Variants in DNAJC13 observed in about 807,000 individuals in gnomAD.
DNAJC13 encodes DnaJ heat shock protein family (Hsp40) member C13, also known as dnaJ homolog subfamily C member 13.
Under a neutral mutation model 290.5 loss-of-function variants are expected in DNAJC13, and 75 were observed. The observed-to-expected ratio is 0.26, with a 90% CI of 0.21 to 0.31. DNAJC13 has a LOEUF of 0.31. Among genes scored for constraint, DNAJC13 ranks in the 10% least tolerant of loss-of-function variants. DNAJC13 has a pLI of 1.00. For synonymous variants in DNAJC13, 862 were observed against 892.0 expected, an observed-to-expected ratio of 0.97 and a Z score of 0.60; for missense variants, 2,260 against 2,674.5, an observed-to-expected ratio of 0.85 and a Z score of 3.42.
chr3:132,451,578 A>C (rs1427922500), intron 6 of DNAJC13, among the ~76,000 whole-genome samples: 2 of 152,130 alleles, frequency 1.3e-5, no homozygotes, highest in Non-Finnish European at 2.9e-5. Context: ...TTTCTGTCTC[A>C]AAGATGTGCG....
chr3:132,454,935 C>T (rs1401371346), intron 9 of DNAJC13, among the ~76,000 whole-genome samples: 1 of 152,048 alleles, frequency 6.6e-6, no homozygotes. Context: ...CACTTACATG[C>T]AGAAAGTAAA....
At chr3:132,444,274 GC>G (rs1346447588) in intron 2 of DNAJC13, among the ~76,000 whole-genome samples, 1 of 152,204 alleles carries the variant, frequency 6.6e-6, no homozygotes, top group African/African-American at 2.4e-5. Flanking sequence ...AGTCCCTGGT[GC>G]TAAAAAGGTT....
Position 132,494,168 on chromosome 3 carries a change from G to A in DNAJC13, c.3850G>A (p.Asp1284Asn). Residue 1284 changes from aspartate (D) to asparagine (N), a missense_variant, in exon 34 of 56, where the codon GAT (aspartate) becomes AAT (asparagine). By Grantham distance (23) the Asp-to-Asn change is conservative (BLOSUM62 1). Transcript: ENST00000260818. Reference sequence around the variant, plus strand: ...GGTTAAGCTTCTAAAAGATACCCTTGATGCCTGGAAGAAAGAAGTAGAAAA... The same window carrying A: ...GGTTAAGCTTCTAAAAGATACCCTTAATGCCTGGAAGAAAGAAGTAGAAAA... The part of the protein sequence containing the change: ...DPVKLLKDTL[D>N]AWKKEVEKKP... 1 of 1,612,186 alleles carries A rather than the reference G, an allele frequency of 6.2e-7. No homozygotes were observed. The highest frequency in any genetic ancestry group is 8.5e-7 in the Non-Finnish European group (1 of 1,179,194).
intron 40 of DNAJC13, 138 bp from the exon 41 acceptor site, chr3:132,503,076 G>C: frequency 1.2e-6 from 1 of 807,054 alleles, no homozygotes; most frequent in African/African-American, 1.7e-5. Context: ...TACCTCAGTG[G>C]TAGGTACTCT....
chr3:132,526,181 C>T lies in DNAJC13; in HGVS notation c.6281C>T (p.Pro2094Leu). Reference protein sequence around the residue: ...RAMASLETIGPLMNGMKKRAD... With the variant: ...RAMASLETIGLLMNGMKKRAD... Reference sequence around the variant, plus strand: ...ATGGCATCTTTAGAGACCATTGGCCCACTGATGAATGGAATGAAAAAGCGA... The same window carrying T: ...ATGGCATCTTTAGAGACCATTGGCCTACTGATGAATGGAATGAAAAAGCGA... The change falls in exon 53 of 56, where the codon CCA (proline) becomes CTA (leucine). Residue 2094 changes from proline (P) to leucine (L), a missense_variant. Transcript: ENST00000260818. The T allele has an allele frequency of 1.2e-6, 2 of 1,614,024 alleles. No individual in the cohort carries two copies. Among genetic ancestry groups the T allele is most frequent in the Non-Finnish European group, 8.5e-7 (1 of 1,179,980 alleles).
intron 34 of DNAJC13, 114 bp from the exon 35 acceptor site, chr3:132,494,974 A>G (rs1208556228): frequency 4.8e-6 from 3 of 618,900 alleles, no homozygotes; most frequent in Middle Eastern, 3.9e-4. Context: ...AGCCTAATAT[A>G]TAATCATATA....
At chr3:132,491,600 C>T (rs554793041) in intron 32 of DNAJC13, among the ~76,000 whole-genome samples, 1 of 152,074 alleles carries the variant, frequency 6.6e-6, no homozygotes, top group Non-Finnish European at 1.5e-5. Context: ...TGTGGAAACA[C>T]AGAAAAAGGA....
chr3:132,513,873 C>G (rs1483777657), intron 45 of DNAJC13, among the ~76,000 whole-genome samples: 11 of 152,254 alleles, frequency 7.2e-5, no homozygotes, highest in Admixed American at 5.2e-4. Context: ...ACACCAAATG[C>G]AACCCTGCAG....
intron 6 of DNAJC13, among the ~76,000 whole-genome samples, 193 bp downstream of exon 6, chr3:132,451,040 G>A (rs1933400391): frequency 6.6e-6 from 1 of 152,066 alleles, no homozygotes; most frequent in African/African-American, 2.4e-5. Context: ...GGAGAGTGAG[G>A]ATCTGGTGAG....
At chr3:132,491,414 C>T (rs1434695888) in intron 32 of DNAJC13, among the ~76,000 whole-genome samples, 3 of 152,096 alleles carry the variant, frequency 2.0e-5, no homozygotes, top group Non-Finnish European at 4.4e-5. Context: ...GGAAGTAGGA[C>T]TATACTCCCA....
rs115006497 is a variant in DNAJC13, at chr3:132,528,948, A to T, written c.6525+616A>T. 4.6e-3 allele frequency among the ~76,000 whole-genome samples: 700 copies of T among 150,862 alleles called. 5 individuals are homozygous for T. The highest frequency in any genetic ancestry group is 0.015 in the African/African-American group (630 of 41,134). On this transcript the variant is annotated intron_variant, in intron 54 of 55. Transcript: ENST00000260818. ...TATATAGCCCCATCTACTAATGCTCATTTTTTTTTAATTGACGTGAAATTT... is the reference window on the plus strand; with the variant it reads ...TATATAGCCCCATCTACTAATGCTCTTTTTTTTTTAATTGACGTGAAATTT...
At position 132,475,022 on chromosome 3, in the gene DNAJC13, A is replaced by G. The variant is rs568189404; in HGVS notation, c.2382A>G (p.Ala794=). The part of the protein sequence containing the change: ...LKDTLESEMR[A]FNIDRELGSA... ...ATACTCTTGAATCTGAAATGAGAGCATTTAATATTGACAGAGAACTTGGAA... is the reference window on the plus strand; with the variant it reads ...ATACTCTTGAATCTGAAATGAGAGCGTTTAATATTGACAGAGAACTTGGAA... The change falls in exon 22 of 56, where the codon GCA becomes GCG. Residue 794 remains alanine, a synonymous_variant. Transcript: ENST00000260818. The G allele has an allele frequency of 3.1e-6, 5 of 1,611,820 alleles. 1 individual carries two copies. The East Asian group carries it at 1.1e-4, about 36-fold the overall frequency.
chr3:132,432,216 G>GT (rs1300259328), intron 1 of DNAJC13, among the ~76,000 whole-genome samples: 2 of 148,974 alleles, frequency 1.3e-5, no homozygotes, highest in African/African-American at 5.0e-5. Context: ...TTGTTTTTTT[G>GT]GGGGGGGACA....
chr3:132,472,929 C>T (rs554812003), intron 20 of DNAJC13, among the ~76,000 whole-genome samples: 2 of 152,256 alleles, frequency 1.3e-5, no homozygotes, highest in South Asian at 4.1e-4. Flanking sequence ...ACTTGAGTAA[C>T]TATAGAAATA....
At position 132,467,325 on chromosome 3, in the gene DNAJC13, A is replaced by G; in HGVS notation, c.2208+12A>G. 5.6e-6 allele frequency: 9 copies of G among 1,610,890 alleles called. No homozygotes were observed. The highest frequency in any genetic ancestry group is 6.8e-6 in the Non-Finnish European group (8 of 1,178,434). ...TTGCTCAAAAAGAGGTAAAAATAAA[A>G]TTTGCTTCCAAATTCCTGGCACTTC... On this transcript the variant is annotated intron_variant, in intron 20 of 55. Transcript: ENST00000260818.
At chr3:132,474,136 T>A (rs548551444) in intron 21 of DNAJC13, 1 of 152,352 alleles carries the variant, frequency 6.6e-6, no homozygotes, top group Non-Finnish European at 1.5e-5. Context: ...TCCTAACATA[T>A]ATAGATTGTT....
Position 132,447,373 on chromosome 3 carries a change from C to T in DNAJC13, c.197C>T (p.Thr66Met), listed in dbSNP as rs140317793. ...SISPVGKGQGTEFNLTFRKGS... is the reference protein window; with the variant it reads ...SISPVGKGQGMEFNLTFRKGS... ...AGCCCTGTTGGAAAAGGACAAGGAA[C>T]GGAGTTCAACCTCACATTTCGTAAA... The change falls in exon 4 of 56, where the codon ACG (threonine) becomes ATG (methionine). Residue 66 changes from threonine to methionine, a missense_variant. Thr to Met is a moderately conservative substitution (Grantham distance 81). Coordinates refer to ENST00000260818, the MANE Select transcript of DNAJC13 (RefSeq NM_015268.4). The T allele has an allele frequency of 6.2e-5, 99 of 1,605,238 alleles. No individual in the cohort carries two copies. Among genetic ancestry groups the T allele is most frequent in the South Asian group, 8.9e-5 (8 of 89,992 alleles).
At chr3:132,464,692 A>G (rs946595352) in intron 17 of DNAJC13, among the ~76,000 whole-genome samples, 2 of 152,126 alleles carry the variant, frequency 1.3e-5, no homozygotes, top group African/African-American at 2.4e-5. Context: ...GAGGATAAAG[A>G]TAATAAGGAT....
intron 44 of DNAJC13, among the ~76,000 whole-genome samples, chr3:132,512,660 G>T (rs1383236832): frequency 6.6e-6 from 1 of 152,176 alleles, no homozygotes; most frequent in Non-Finnish European, 1.5e-5. Flanking sequence ...ATATAATTAG[G>T]TTGAGGGGGG....
Sources: allele counts gnomAD v4.1 joint callset (sites outside exome capture counted in the v4.1 genomes callset), GRCh38; gene constraint gnomAD v4.1.1; transcripts MANE v1.5; gene names NCBI Gene and HGNC (gene_info 2026-07-23, HGNC 2026-07-21).